GALNTL6: variants seen among roughly 807,000 people sequenced by gnomAD.
GALNTL6 encodes polypeptide N-acetylgalactosaminyltransferase-like 6.
In GALNTL6, 46 loss-of-function variants were observed where a neutral mutation model predicts 73.7. The ratio of observed to expected loss-of-function variants is 0.62; its 90% CI spans 0.49 to 0.80. The LOEUF (loss-of-function observed/expected upper bound fraction) is 0.80. Ranked by LOEUF, GALNTL6 falls within the 30% of genes least tolerant of loss-of-function variation. GALNTL6 has a pLI of 0.00. For missense variants in GALNTL6, 604 were observed against 755.0 expected (o/e 0.80, Z 2.34); for synonymous variants, 259 against 263.7 (o/e 0.98, Z 0.17).
intron 5 of GALNTL6, among the ~76,000 whole-genome samples, chr4:172,676,250 G>T (rs1732295675): frequency 1.3e-5 from 2 of 152,180 alleles, no homozygotes; most frequent in South Asian, 4.1e-4. Flanking sequence ...GTGAAGTGAA[G>T]AAAGACTACA....
chr4:171,815,018 G>C, intron 2 of GALNTL6: 2 of 496,816 alleles, frequency 4.0e-6, no homozygotes, highest in Non-Finnish European at 7.1e-6. Context: ...AAAGGTAACT[G>C]TTCAGCTATG....
intron 5 of GALNTL6, among the ~76,000 whole-genome samples, chr4:172,374,403 T>C (rs556932995): frequency 1.3e-5 from 2 of 152,302 alleles, no homozygotes; most frequent in African/African-American, 4.8e-5. Flanking sequence ...TTTCTCCTGA[T>C]ATCTGCAGCT....
chr4:172,588,480 G>A (rs1362274750), intron 5 of GALNTL6, among the ~76,000 whole-genome samples: 1 of 150,626 alleles, frequency 6.6e-6, no homozygotes, highest in African/African-American at 2.4e-5. Flanking sequence ...TGTTGCCCCA[G>A]CTACTTGGGA....
intron 4 of GALNTL6, among the ~76,000 whole-genome samples, chr4:172,345,160 C>A (rs1290794206): frequency 6.7e-6 from 1 of 149,828 alleles, no homozygotes; most frequent in Non-Finnish European, 1.5e-5. Flanking sequence ...GGGTAAATAA[C>A]TTGCCCATTG....
intron 5 of GALNTL6, among the ~76,000 whole-genome samples, chr4:172,362,775 T>C (rs1214336620): frequency 6.6e-6 from 1 of 152,194 alleles, no homozygotes; most frequent in African/African-American, 2.4e-5. Flanking sequence ...TCATCATCCA[T>C]TGAAACTAGA....
intron 5 of GALNTL6, among the ~76,000 whole-genome samples, chr4:172,554,518 T>C (rs1736075416): frequency 6.6e-6 from 1 of 152,208 alleles, no homozygotes; most frequent in Non-Finnish European, 1.5e-5. Context: ...TGAATTGTCA[T>C]GTGGTAACCC....
At chr4:171,821,886 C>T (rs937122055) in intron 2 of GALNTL6, among the ~76,000 whole-genome samples, 1 of 151,912 alleles carries the variant, frequency 6.6e-6, no homozygotes, top group African/African-American at 2.4e-5. Context: ...TTTTGGATTT[C>T]ATACTTAAGG....
At chr4:172,468,900 C>T (rs1352932839) in intron 5 of GALNTL6, among the ~76,000 whole-genome samples, 1 of 152,228 alleles carries the variant, frequency 6.6e-6, no homozygotes, top group African/African-American at 2.4e-5. Flanking sequence ...ACCTATTCTT[C>T]CTTTTCAGCT....
chr4:172,610,975 T>C (rs1191254018), intron 5 of GALNTL6, among the ~76,000 whole-genome samples: 2 of 152,060 alleles, frequency 1.3e-5, no homozygotes, highest in African/African-American at 4.8e-5. Flanking sequence ...TCATTTAAAG[T>C]CTGTTTTGTC....
chr4:172,353,621 T>G (rs1292708938), intron 5 of GALNTL6, among the ~76,000 whole-genome samples: 1 of 152,112 alleles, frequency 6.6e-6, no homozygotes, highest in Admixed American at 6.6e-5. Flanking sequence ...TTTTCCCTTT[T>G]TGTTAAACAA....
At chr4:172,913,117 C>T (rs1371844660) in intron 8 of GALNTL6, among the ~76,000 whole-genome samples, 1 of 152,160 alleles carries the variant, frequency 6.6e-6, no homozygotes, top group Non-Finnish European at 1.5e-5. Flanking sequence ...CTGGAGTGGA[C>T]CTCCAGCAAA....
intron 5 of GALNTL6, chr4:172,668,226 T>C (rs1731779950): frequency 6.6e-6 from 1 of 152,212 alleles, no homozygotes; most frequent in Non-Finnish European, 1.5e-5. Context: ...TGAAGCAGAA[T>C]TGAATGAATT....
At chr4:172,706,379 C>A (rs1734353723) in intron 5 of GALNTL6, among the ~76,000 whole-genome samples, 1 of 152,002 alleles carries the variant, frequency 6.6e-6, no homozygotes. Context: ...TTGAAATTCA[C>A]CAGATTTCCT....
In GALNTL6 at chr4:172,592,984, G is replaced by A. The variant is rs117044282; in HGVS notation, c.554-216377G>A. On this transcript the variant is annotated intron_variant, in intron 5 of 12. Coordinates refer to ENST00000506823, the MANE Select transcript of GALNTL6 (RefSeq NM_001034845.3). The stretch of plus-strand genomic sequence containing the variant: ...AGGATTTGAAATATGAGCACCTTGA[G>A]TCTAATTCAATTCTAATTAAAATAA... 3.6e-4 allele frequency among the ~76,000 whole-genome samples: 55 copies of A among 152,028 alleles called. No homozygotes were observed. The East Asian group carries it at 9.5e-3, about 26-fold the overall frequency.
intron 5 of GALNTL6, among the ~76,000 whole-genome samples, chr4:172,411,026 T>A (rs1744415738): frequency 6.6e-6 from 1 of 152,292 alleles, no homozygotes; most frequent in East Asian, 1.9e-4. Flanking sequence ...TCACAGATTA[T>A]GTACATTCGT....
At chr4:172,704,232 G>A (rs1260637559) in intron 5 of GALNTL6, among the ~76,000 whole-genome samples, 1 of 151,628 alleles carries the variant, frequency 6.6e-6, no homozygotes, top group Non-Finnish European at 1.5e-5. Flanking sequence ...TCCACTAACT[G>A]GGGGTTTGGC....
chr4:172,274,611 T>C (rs1738766478), intron 3 of GALNTL6, among the ~76,000 whole-genome samples: 1 of 152,170 alleles, frequency 6.6e-6, no homozygotes, highest in South Asian at 2.1e-4. Context: ...ATAAAATGAT[T>C]GAAAGAGGCT....
rs571547085 is a variant in GALNTL6 at position 171,945,410 on chromosome 4, G to T, written c.138+130692G>T. 7.1e-4 allele frequency among the ~76,000 whole-genome samples: 108 copies of T among 152,190 alleles called. 2 individuals are homozygous for T. In the South Asian group the frequency reaches 0.021, roughly 29 times the overall value. On this transcript the variant is annotated intron_variant, in intron 2 of 12. Transcript: ENST00000506823. ...AAGAGAAGATTAATAGCTGCTAGATGAAACCAAAAGGATAAGCAGCAATGC... is the reference window on the plus strand; with the variant it reads ...AAGAGAAGATTAATAGCTGCTAGATTAAACCAAAAGGATAAGCAGCAATGC...
chr4:172,597,846 A>C (rs1181055847), intron 5 of GALNTL6, among the ~76,000 whole-genome samples: 1 of 152,116 alleles, frequency 6.6e-6, no homozygotes, highest in Non-Finnish European at 1.5e-5. Context: ...TTGTTCTAAG[A>C]GTCCTTCCTC....
Sources: allele counts gnomAD v4.1 joint callset (sites outside exome capture counted in the v4.1 genomes callset), GRCh38; gene constraint gnomAD v4.1.1; transcripts MANE v1.5; gene names NCBI Gene and HGNC (gene_info 2026-07-23, HGNC 2026-07-21).